CRACD: variants seen among roughly 807,000 people sequenced by gnomAD.
CRACD encodes capping protein-inhibiting regulator of actin dynamics.
Under a neutral mutation model 106.8 loss-of-function variants are expected in CRACD, and 56 were observed. The ratio of observed to expected loss-of-function variants is 0.52; its 90% CI spans 0.42 to 0.66. The LOEUF (loss-of-function observed/expected upper bound fraction) is 0.66, where lower values mean the gene tolerates loss of function less well. CRACD is among the 30% of genes least tolerant of loss of function. The pLI is 0.00. For synonymous variants in CRACD, 754 were observed against 670.8 expected, an observed-to-expected ratio of 1.12 and a Z score of -1.92; for missense variants, 1,730 against 1,623.2, an observed-to-expected ratio of 1.07 and a Z score of -1.13.
intron 4 of CRACD, among the ~76,000 whole-genome samples, chr4:56,305,435 G>C (rs1451372022): frequency 6.6e-6 from 1 of 152,184 alleles, no homozygotes; most frequent in East Asian, 1.9e-4. Flanking sequence ...CAAGGCTGCA[G>C]GGTGAAATGG....
intron 1 of CRACD, among the ~76,000 whole-genome samples, chr4:56,100,682 A>G (rs934137745): frequency 6.6e-6 from 1 of 152,150 alleles, no homozygotes; most frequent in African/African-American, 2.4e-5. Context: ...TCATAAGAAG[A>G]GGAAATTTGG....
Position 56,203,350 on chromosome 4 carries a change from A to T in CRACD, c.-189+23920A>T, listed in dbSNP as rs546766442. ...GAGTAATTCTCTTGAGTGACTCCTC[A>T]CAATATACTCATACTTGTAAGAGGA... On this transcript the variant is annotated intron_variant, in intron 2 of 10. Coordinates refer to ENST00000682029, the MANE Select transcript of CRACD (RefSeq NM_001393381.1). Among the ~76,000 whole-genome samples, 23 of 152,294 alleles carry T rather than the reference A, an allele frequency of 1.5e-4. No individual in the cohort carries two copies. The South Asian group carries it at 4.4e-3, about 29-fold the overall frequency.
chr4:56,087,869 C>G (rs1733282795), intron 1 of CRACD, among the ~76,000 whole-genome samples: 1 of 152,154 alleles, frequency 6.6e-6, no homozygotes, highest in South Asian at 2.1e-4. Flanking sequence ...ACTCTTTCTT[C>G]TCCTCCTGTA....
intron 1 of CRACD, chr4:56,097,411 A>AG (rs1199743908): frequency 2.0e-5 from 3 of 152,842 alleles, no homozygotes; most frequent in Non-Finnish European, 2.9e-5. Flanking sequence ...TACCACCGTG[A>AG]ATGCGCCCGA....
chr4:56,299,412 A>G (rs767714259), intron 4 of CRACD, among the ~76,000 whole-genome samples: 2 of 151,800 alleles, frequency 1.3e-5, no homozygotes, highest in African/African-American at 4.8e-5. Context: ...GCTCACTCCT[A>G]TAATTCCAGC....
chr4:56,232,733 T>TTTATTTATTTAC, intron 2 of CRACD, among the ~76,000 whole-genome samples: 1 of 151,186 alleles, frequency 6.6e-6, no homozygotes, highest in African/African-American at 2.4e-5. Flanking sequence ...TATTTATTTA[T>TTTATTTATTTAC]TTATTTTTTG....
chr4:56,325,185 AT>A (rs780257385), intron 10 of CRACD, among the ~76,000 whole-genome samples: 2 of 151,950 alleles, frequency 1.3e-5, no homozygotes, highest in Non-Finnish European at 1.5e-5. Context: ...AAATACAAAA[AT>A]TAGCCAGGTG....
At chr4:56,051,092 G>A (rs35976456) in intron 1 of CRACD, among the ~76,000 whole-genome samples, 54,695 of 152,042 alleles carry the variant, frequency 0.36, 11,162 homozygotes, top group African/African-American at 0.56. Flanking sequence ...CAATTAATTG[G>A]CATTAATTTG....
chr4:56,321,254 G>C (rs1046086006), intron 8 of CRACD: 9 of 213,726 alleles, frequency 4.2e-5, no homozygotes, highest in Admixed American at 3.3e-4. Flanking sequence ...TGGGATTGGG[G>C]TAAAATGCTG....
intron 2 of CRACD, among the ~76,000 whole-genome samples, chr4:56,222,792 A>T (rs537068718): frequency 5.6e-4 from 82 of 146,538 alleles, no homozygotes; most frequent in African/African-American, 2.1e-3. Flanking sequence ...AAAAACAAAA[A>T]CAAAAACAAA....
Position 56,315,179 on chromosome 4 carries a change from G to C in CRACD, c.1677G>C (p.Thr559=). 6.3e-7 allele frequency: 1 copy of C among 1,597,436 alleles called. No individual in the cohort carries two copies. The highest frequency in any genetic ancestry group is 8.5e-7 in the Non-Finnish European group (1 of 1,172,560). ...CCAAAGTCAACCTGAGCCCCGTGACGCCCGCAAAGGACACGGGGCTCACCG... is the reference window on the plus strand; with the variant it reads ...CCAAAGTCAACCTGAGCCCCGTGACCCCCGCAAAGGACACGGGGCTCACCG... The part of the protein sequence containing the change: ...LFPKVNLSPV[T]PAKDTGLTAA... The change falls in exon 8 of 11, where the codon ACG becomes ACC. Residue 559 remains threonine (T), a synonymous_variant. Coordinates refer to ENST00000682029, the MANE Select transcript of CRACD (RefSeq NM_001393381.1). The surrounding 1 kb of genome is among the most constrained non-coding windows in gnomAD (Gnocchi z 4.1).
chr4:56,101,180 A>G (rs1733765137), intron 1 of CRACD, among the ~76,000 whole-genome samples: 1 of 152,108 alleles, frequency 6.6e-6, no homozygotes, highest in Non-Finnish European at 1.5e-5. Flanking sequence ...GTATATATTT[A>G]TATATAATTA....
chr4:56,119,527 G>A (rs1340452165), intron 1 of CRACD, among the ~76,000 whole-genome samples: 2 of 151,390 alleles, frequency 1.3e-5, no homozygotes, highest in African/African-American at 4.9e-5. Flanking sequence ...TAGAGATGAT[G>A]TCTCGTCATG....
chr4:56,314,745 T>G lies in CRACD; in HGVS notation c.1243T>G (p.Trp415Gly). 1 of 1,584,038 alleles carries G rather than the reference T, an allele frequency of 6.3e-7. No homozygotes were observed. The highest frequency in any genetic ancestry group is 8.6e-7 in the Non-Finnish European group (1 of 1,166,266). ...EEEGQAHLED[W>G]RGQLSELLND... ...GGAGGGCCAGGCGCACCTGGAGGACTGGAGGGGGCAGCTCAGTGAGCTTCT... is the reference window on the plus strand; with the variant it reads ...GGAGGGCCAGGCGCACCTGGAGGACGGGAGGGGGCAGCTCAGTGAGCTTCT... Residue 415 changes from tryptophan (W) to glycine (G), a missense_variant, in exon 8 of 11, where the codon TGG becomes GGG. By Grantham distance (184) the Trp-to-Gly change is radical (BLOSUM62 -2). This residue lies in a region of CRACD where 1,620 missense variants were observed against 1,481.6 expected (regional missense o/e 1.09). Transcript: ENST00000682029. This position sits in a 1 kb window ranked among gnomAD's most constrained non-coding sequence, Gnocchi z 4.4.
intron 1 of CRACD, among the ~76,000 whole-genome samples, chr4:56,155,429 T>G (rs1735735392): frequency 6.6e-6 from 1 of 152,242 alleles, no homozygotes; most frequent in Admixed American, 6.5e-5. Context: ...CAGGTGATAT[T>G]CTGGGGATAC....
intron 2 of CRACD, among the ~76,000 whole-genome samples, chr4:56,180,657 C>A (rs1736783094): frequency 6.6e-6 from 1 of 152,240 alleles, no homozygotes; most frequent in African/African-American, 2.4e-5. Context: ...TACCTATCAA[C>A]AGTGACCTAT....
chr4:56,109,812 G>A (rs191494451), intron 1 of CRACD, among the ~76,000 whole-genome samples: 1 of 151,698 alleles, frequency 6.6e-6, no homozygotes, highest in Non-Finnish European at 1.5e-5. Context: ...GACACGAGAT[G>A]GAAAATAAAA....
chr4:56,115,602 C>T (rs569235157), intron 1 of CRACD, among the ~76,000 whole-genome samples: 17 of 152,192 alleles, frequency 1.1e-4, no homozygotes, highest in East Asian at 3.9e-4. Context: ...CCTAATCATA[C>T]GGAGGAAATG....
At chr4:56,236,468 C>T (rs1007758014) in intron 2 of CRACD, among the ~76,000 whole-genome samples, 1 of 152,156 alleles carries the variant, frequency 6.6e-6, no homozygotes, top group Non-Finnish European at 1.5e-5. Flanking sequence ...TAATTTCAAT[C>T]AGAGACAATA....
Sources: gnomAD v4.1 joint callset for allele counts (sites outside exome capture counted in the v4.1 genomes callset) on GRCh38, gnomAD v4.1.1 for gene constraint, gnomAD v4.1.1 regional missense constraint, Gnocchi (gnomAD v3.1) non-coding constraint, MANE v1.5 for transcripts, NCBI Gene and HGNC (gene_info 2026-07-23, HGNC 2026-07-21) for gene names.